Variants in ASIC4 observed in about 807,000 individuals in gnomAD.
ASIC4 encodes acid sensing ion channel subunit family member 4.
In ASIC4, 28 loss-of-function variants were observed where a neutral mutation model predicts 53.4. The ratio of observed to expected loss-of-function variants is 0.52; its 90% CI spans 0.39 to 0.72. The LOEUF (loss-of-function observed/expected upper bound fraction) is 0.72. Among genes scored for constraint, ASIC4 ranks in the 30% least tolerant of loss-of-function variants. ASIC4 has a pLI of 0.00. For synonymous variants in ASIC4, 289 were observed against 301.4 expected (o/e 0.96, Z 0.43); for missense variants, 649 against 729.7 (o/e 0.89, Z 1.27).
upstream of ASIC4, among the ~76,000 whole-genome samples, chr2:219,512,232 G>C (rs1174509831): frequency 6.6e-6 from 1 of 152,096 alleles, no homozygotes; most frequent in African/African-American, 2.4e-5. Context: ...CCTTATAGAG[G>C]TTGAAGGCAT....
Position 219,537,634 on chromosome 2 carries a change from G to A in ASIC4, c.1404G>A (p.Val468=), listed in dbSNP as rs768990482. Reference sequence around the variant, plus strand: ...TGTCCCCGACCCTGAACCCCAAGGTGTCCTGGGATCGACTGAAGCGGGTAT... The same window carrying A: ...TGTCCCCGACCCTGAACCCCAAGGTATCCTGGGATCGACTGAAGCGGGTAT... ...LLEILDYIYE[V]SWDRLKRVWR... Residue 468 remains valine (V), a splice_region_variant and synonymous_variant, in exon 9 of 10, where the codon GTG becomes GTA. Transcript: ENST00000358078. The surrounding 1 kb of genome is among the most constrained non-coding windows in gnomAD (Gnocchi z 4.9). 3 of 1,612,044 alleles carry A rather than the reference G, an allele frequency of 1.9e-6. No homozygotes were observed. Among genetic ancestry groups the A allele is most frequent in the Non-Finnish European group, 2.5e-6 (3 of 1,179,032 alleles).
At chr2:219,530,388 G>GCCC (rs1294484158) in intron 1 of ASIC4, among the ~76,000 whole-genome samples, 66 of 151,494 alleles carry the variant, frequency 4.4e-4, no homozygotes, top group Middle Eastern at 3.4e-3. Context: ...CAGAGGAAAA[G>GCCC]GGAGCCGGGC....
rs975816858 is a variant in ASIC4, at chr2:219,514,993, G to T, written c.269G>T (p.Arg90Leu). Residue 90 changes from arginine (R) to leucine (L), a missense_variant, in exon 1 of 10, where the codon CGG becomes CTG. Arg to Leu is a moderately radical substitution (Grantham distance 102). Coordinates refer to ENST00000358078, the MANE Select transcript of ASIC4 (RefSeq NM_018674.6). ...AFLYQAAGLA[R>L]GYLTRPHLVA... ...CTGTACCAGGCGGCTGGCCTGGCCC[G>T]GGGCTACCTGACCCGGCCTCACCTG... 1.2e-6 allele frequency: 2 copies of T among 1,612,930 alleles called. No homozygotes were observed. The highest frequency in any genetic ancestry group is 4.5e-5 in the East Asian group (2 of 44,872).
In ASIC4 at chr2:219,522,237, G is replaced by A. The variant is rs902516529; in HGVS notation, c.582+6931G>A. ...AGCCACGGGATGATTAAGGGGAAAT[G>A]GAGGATTGATTTAGGAGGAAAGATT... On this transcript the variant is annotated intron_variant, in intron 1 of 9. Transcript: ENST00000358078. 1.3e-5 allele frequency among the ~76,000 whole-genome samples: 2 copies of A among 152,236 alleles called. 1 individual carries two copies. Among genetic ancestry groups the A allele is most frequent in the South Asian group, 4.1e-4 (2 of 4,834 alleles).
In ASIC4 at chr2:219,535,235, T is replaced by G; in HGVS notation, c.1140T>G (p.Tyr380Ter). 6.2e-7 allele frequency: 1 copy of G among 1,613,976 alleles called. No homozygotes were observed. The highest frequency in any genetic ancestry group is 8.5e-7 in the Non-Finnish European group (1 of 1,179,924). ...CCACCCCCTGCAACCTGACACGCTATGGGAAAGAGATCTCCATGGTCAGGA... is the reference window on the plus strand; with the variant it reads ...CCACCCCCTGCAACCTGACACGCTAGGGGAAAGAGATCTCCATGGTCAGGA... ...FCPTPCNLTR[Y>*]GKEISMVRIP... is the part of the protein sequence containing the mutation. The change falls in exon 6 of 10, where the codon TAT becomes TAG. Residue 380 changes from tyrosine to a stop codon, truncating the protein, a stop_gained. Transcript: ENST00000358078. LOFTEE classifies it high-confidence loss of function.
At chr2:219,534,984 G>C (rs564480512) in intron 5 of ASIC4, among the ~76,000 whole-genome samples, 187 bp from the exon 6 acceptor site, 3 of 152,288 alleles carry the variant, frequency 2.0e-5, no homozygotes, top group African/African-American at 7.2e-5. Context: ...CTCTGGAGCA[G>C]TCTGAAGCTG....
chr2:219,514,399 C>G, upstream of ASIC4: 1 of 1,548,468 alleles, frequency 6.5e-7, no homozygotes, highest in Non-Finnish European at 8.7e-7. Context: ...CTCGCTCCCT[C>G]GCTCACTCGC....
intron 1 of ASIC4, among the ~76,000 whole-genome samples, chr2:219,531,140 A>G (rs2125666400): frequency 6.6e-6 from 1 of 152,110 alleles, no homozygotes; most frequent in South Asian, 2.1e-4. Context: ...CTTGGGCCCA[A>G]GAGTTCAAGA....
In ASIC4 at chr2:219,515,282, C is replaced by G. The variant is rs763294519; in HGVS notation, c.558C>G (p.His186Gln). 3.7e-6 allele frequency: 6 copies of G among 1,611,630 alleles called. No individual in the cohort carries two copies. The East Asian group carries it at 1.3e-4, about 36-fold the overall frequency. ...MLKSCNFSGH[H>Q]CSASNFSVVY... ...AGAGCTGCAACTTCAGTGGGCATCA[C>G]TGCTCCGCCAGCAACTTCTCTGTGG... Residue 186 changes from histidine to glutamine, a missense_variant, in exon 1 of 10, where the codon CAC becomes CAG. By Grantham distance (24) the His-to-Gln change is conservative. Coordinates refer to ENST00000358078, the MANE Select transcript of ASIC4 (RefSeq NM_018674.6).
At chr2:219,512,980 GAGCCATCC>G, upstream of ASIC4, among the ~76,000 whole-genome samples, 2 of 152,324 alleles carry the variant, frequency 1.3e-5, no homozygotes, top group South Asian at 4.1e-4. Context: ...GCTGCTAAGG[GAGCCATCC>G]CTAGGCCCCT....
At chr2:219,534,907 G>C (rs1226489896) in intron 5 of ASIC4, among the ~76,000 whole-genome samples, 1 of 147,398 alleles carries the variant, frequency 6.8e-6, no homozygotes, top group Non-Finnish European at 1.5e-5. Flanking sequence ...CTCCCTCTGG[G>C]CCACGAGGAC....
In ASIC4 at chr2:219,518,651, C is replaced by T. The variant is rs1694835993; in HGVS notation, c.582+3345C>T. Among the ~76,000 whole-genome samples the T allele has an allele frequency of 6.6e-6, 1 of 152,050 alleles. No individual in the cohort carries two copies. On this transcript the variant is annotated intron_variant, in intron 1 of 9. Transcript: ENST00000358078. This position sits in a 1 kb window ranked among gnomAD's most constrained non-coding sequence, Gnocchi z 4.8. ...GATTCCTGCCGCCATCTGCTACCCA[C>T]ACCCCCTTCCTCCAAGCCCCAGTTC...
chr2:219,527,880 G>T (rs1694983519), intron 1 of ASIC4, among the ~76,000 whole-genome samples: 1 of 152,224 alleles, frequency 6.6e-6, no homozygotes, highest in Non-Finnish European at 1.5e-5. Flanking sequence ...CTCTGGGGAT[G>T]CCAAGAGGGA....
intron 1 of ASIC4, among the ~76,000 whole-genome samples, chr2:219,522,812 C>T (rs935304972): frequency 6.6e-6 from 1 of 152,148 alleles, no homozygotes; most frequent in Non-Finnish European, 1.5e-5. Context: ...GCGGAGGTCA[C>T]TTTGCCGAGG....
At chr2:219,510,748 G>A (rs1694690083), upstream of ASIC4, among the ~76,000 whole-genome samples, 1 of 152,140 alleles carries the variant, frequency 6.6e-6, no homozygotes, top group Non-Finnish European at 1.5e-5. The surrounding 1 kb of genome is among the most constrained non-coding windows in gnomAD (Gnocchi z 5.2). Context: ...GATGGGGTGG[G>A]GGTGCAAGGA....
At position 219,532,943 on chromosome 2, in the gene ASIC4, C is replaced by T. The variant is rs370971121; in HGVS notation, c.1075+4C>T. 9.1e-5 allele frequency: 147 copies of T among 1,613,860 alleles called. No individual in the cohort carries two copies. Among genetic ancestry groups the T allele is most frequent in the Non-Finnish European group, 1.2e-4 (136 of 1,179,810 alleles). On this transcript the variant is annotated splice_donor_region_variant and intron_variant, in intron 5 of 9. Transcript: ENST00000358078. ...GAGTGTGCAGACCACACACTGGGTC[C>T]GTGCTGCCTACCCTTTCCTACCTCT...
At chr2:219,530,740 G>A (rs938270001) in intron 1 of ASIC4, among the ~76,000 whole-genome samples, 7 of 152,034 alleles carry the variant, frequency 4.6e-5, no homozygotes, top group African/African-American at 1.7e-4. Context: ...AAAGCCCGAG[G>A]AGAAAAGGAG....
At chr2:219,529,583 G>A (rs766654593) in intron 1 of ASIC4, among the ~76,000 whole-genome samples, 1 of 152,104 alleles carries the variant, frequency 6.6e-6, no homozygotes, top group Non-Finnish European at 1.5e-5. Flanking sequence ...CTTGGAGTGG[G>A]GGGTGCCAGC....
At chr2:219,529,499 G>A (rs1166537007) in intron 1 of ASIC4, among the ~76,000 whole-genome samples, 12 of 152,316 alleles carry the variant, frequency 7.9e-5, no homozygotes, top group Middle Eastern at 3.4e-3. Context: ...AGAAAGGGAC[G>A]GGACTGGGGC....
Sources: allele counts gnomAD v4.1 joint callset (sites outside exome capture counted in the v4.1 genomes callset), GRCh38; gene constraint gnomAD v4.1.1; non-coding constraint Gnocchi (gnomAD v3.1); transcripts MANE v1.5; gene names NCBI Gene and HGNC (gene_info 2026-07-23, HGNC 2026-07-21).